Variants in EPHA6 observed in about 807,000 individuals in gnomAD.
EPHA6 encodes the protein EPH receptor A6.
In EPHA6, 50 loss-of-function variants were observed where a neutral mutation model predicts 112.0. That is an observed-to-expected ratio of 0.45 (90% confidence interval 0.36 to 0.56). The LOEUF (loss-of-function observed/expected upper bound fraction) is 0.56, where lower values mean the gene tolerates loss of function less well. Ranked by LOEUF, EPHA6 falls within the 20% of genes least tolerant of loss-of-function variation. The pLI, the probability that EPHA6 is intolerant of heterozygous loss-of-function variation, is 0.00. For synonymous variants in EPHA6, 529 were observed against 490.7 expected (o/e 1.08, Z -1.03); for missense variants, 1,280 against 1,417.4 (o/e 0.90, Z 1.56).
chr3:97,048,791 G>A (rs925976612), intron 3 of EPHA6, among the ~76,000 whole-genome samples: 4 of 151,970 alleles, frequency 2.6e-5, no homozygotes, highest in African/African-American at 4.8e-5. Flanking sequence ...AGGAGAGAAA[G>A]ATAATTAACA....
At chr3:97,413,311 A>T (rs1277017935) in intron 6 of EPHA6, among the ~76,000 whole-genome samples, 3 of 151,922 alleles carry the variant, frequency 2.0e-5, no homozygotes, top group Non-Finnish European at 2.9e-5. Context: ...TGAGGAAAAA[A>T]GTACAGCCAT....
chr3:97,131,701 G>A (rs890433877), intron 3 of EPHA6, among the ~76,000 whole-genome samples: 11 of 152,130 alleles, frequency 7.2e-5, no homozygotes, highest in African/African-American at 2.2e-4. Flanking sequence ...CCACAGCAGA[G>A]AGGATCAGAA....
chr3:97,543,193 G>T (rs1209612534), intron 11 of EPHA6, among the ~76,000 whole-genome samples: 1 of 152,150 alleles, frequency 6.6e-6, no homozygotes, highest in Admixed American at 6.5e-5. Flanking sequence ...GAATGGTATT[G>T]CCTAGGTTTT....
At chr3:96,966,228 T>G (rs2042116923) in intron 2 of EPHA6, among the ~76,000 whole-genome samples, 2 of 152,090 alleles carry the variant, frequency 1.3e-5, no homozygotes, top group South Asian at 4.1e-4. Flanking sequence ...AAATTGTTAT[T>G]TACAGCATTA....
chr3:97,635,991 A>G (rs552431780), intron 13 of EPHA6, among the ~76,000 whole-genome samples: 1 of 152,082 alleles, frequency 6.6e-6, no homozygotes, highest in African/African-American at 2.4e-5. Flanking sequence ...AATTGCAAAA[A>G]AAAACACATA....
chr3:96,992,518 T>TA (rs2043253853), intron 3 of EPHA6, among the ~76,000 whole-genome samples: 1 of 152,210 alleles, frequency 6.6e-6, no homozygotes, highest in Admixed American at 6.5e-5. Flanking sequence ...CACTCATGTA[T>TA]AATGCTTCAT....
chr3:97,636,776 G>T (rs1425775469), intron 13 of EPHA6, among the ~76,000 whole-genome samples: 1 of 151,864 alleles, frequency 6.6e-6, no homozygotes, highest in Non-Finnish European at 1.5e-5. Flanking sequence ...AAATTTATAA[G>T]TTTCTCTTAT....
Position 97,183,548 on chromosome 3 carries a change from T to C in EPHA6, c.1115-42716T>C, listed in dbSNP as rs373595902. 4.4e-4 allele frequency among the ~76,000 whole-genome samples: 67 copies of C among 152,180 alleles called. 1 individual carries two copies. The highest frequency in any genetic ancestry group is 1.6e-3 in the African/African-American group (67 of 41,462). On this transcript the variant is annotated intron_variant, in intron 3 of 17. Coordinates refer to ENST00000389672, the MANE Select transcript of EPHA6 (RefSeq NM_001080448.3). Reference sequence around the variant, plus strand: ...CATCTCATAAAAGTTATTCACATTCTAAACTAATTTATGTAAAAAGAAATA... The same window carrying C: ...CATCTCATAAAAGTTATTCACATTCCAAACTAATTTATGTAAAAAGAAATA...
chr3:96,882,764 GTGTGTA>G (rs1559798249), intron 2 of EPHA6, among the ~76,000 whole-genome samples: 94 of 140,978 alleles, frequency 6.7e-4, no homozygotes, highest in African/African-American at 2.5e-3. Context: ...GTGTGTGTGT[GTGTGTA>G]TAGTCAATCA....
chr3:96,905,164 G>A (rs2038864194), intron 2 of EPHA6, among the ~76,000 whole-genome samples: 1 of 151,940 alleles, frequency 6.6e-6, no homozygotes, highest in Non-Finnish European at 1.5e-5. Flanking sequence ...AATTCAAAGT[G>A]CATTCTTCAG....
At chr3:96,842,038 C>T (rs936277975) in intron 1 of EPHA6, among the ~76,000 whole-genome samples, 7 of 151,986 alleles carry the variant, frequency 4.6e-5, no homozygotes, top group South Asian at 2.1e-4. Context: ...GCAGCTGCCA[C>T]GAAGCCAGGA....
intron 3 of EPHA6, among the ~76,000 whole-genome samples, chr3:97,028,164 A>G (rs780178107): frequency 6.6e-6 from 1 of 152,168 alleles, no homozygotes; most frequent in Non-Finnish European, 1.5e-5. Context: ...GGTTTTGTTT[A>G]TATAGAGAGG....
chr3:97,596,873 GGAA>G (rs2093596615), intron 12 of EPHA6, among the ~76,000 whole-genome samples: 1 of 31,500 alleles, frequency 3.2e-5, no homozygotes, highest in Admixed American at 3.2e-4. Flanking sequence ...ATATATCTAT[GGAA>G]TATATATATA....
At chr3:97,565,230 C>T (rs139698657) in intron 11 of EPHA6, among the ~76,000 whole-genome samples, 1,829 of 151,822 alleles carry the variant, frequency 0.012, 39 homozygotes, top group African/African-American at 0.041. Flanking sequence ...TTATAAATCA[C>T]ATGCTATAAA....
intron 5 of EPHA6, among the ~76,000 whole-genome samples, chr3:97,262,788 AAT>A (rs2079545940): frequency 6.6e-6 from 1 of 151,988 alleles, no homozygotes; most frequent in East Asian, 1.9e-4. Flanking sequence ...CATCAACTTT[AAT>A]GTGTGTTCCA....
chr3:97,046,733 A>C (rs2045520407), intron 3 of EPHA6, among the ~76,000 whole-genome samples: 1 of 152,186 alleles, frequency 6.6e-6, no homozygotes, highest in Non-Finnish European at 1.5e-5. Flanking sequence ...ATTGAAAATT[A>C]TAATTGAAAG....
At chr3:97,577,285 G>A (rs934016613) in intron 11 of EPHA6, among the ~76,000 whole-genome samples, 26 of 152,298 alleles carry the variant, frequency 1.7e-4, no homozygotes, top group African/African-American at 6.3e-4. Flanking sequence ...AAGAAAATTT[G>A]CATAAGACTT....
At chr3:96,881,568 AC>A (rs2107510783) in intron 2 of EPHA6, among the ~76,000 whole-genome samples, 1 of 152,254 alleles carries the variant, frequency 6.6e-6, no homozygotes, top group South Asian at 2.1e-4. Flanking sequence ...TTGGGTTGGG[AC>A]AAAGAGCCAA....
intron 2 of EPHA6, among the ~76,000 whole-genome samples, chr3:96,893,674 C>T (rs1033907733): frequency 6.6e-6 from 1 of 152,058 alleles, no homozygotes; most frequent in African/African-American, 2.4e-5. Flanking sequence ...TGGAGAAGGG[C>T]CTGTATCAGA....
Sources: gnomAD v4.1 joint callset for allele counts (sites outside exome capture counted in the v4.1 genomes callset) on GRCh38, gnomAD v4.1.1 for gene constraint, MANE v1.5 for transcripts, NCBI Gene and HGNC (gene_info 2026-07-23, HGNC 2026-07-21) for gene names.